The following ERBB4 variants were observed in gnomAD, a reference collection of about 807,000 sequenced individuals.
The protein encoded by ERBB4 is receptor tyrosine-protein kinase erbB-4.
ERBB4 carries 42 observed loss-of-function variants against 158.0 expected under a neutral mutation model. The observed-to-expected ratio is 0.27, with a 90% CI of 0.21 to 0.34. The LOEUF is 0.34. ERBB4 is among the 10% of genes least tolerant of loss of function. The probability of loss-of-function intolerance (pLI) is 1.00; values close to 1 mark genes in which losing one functional copy is unlikely to be tolerated. For missense variants in ERBB4, 1,333 were observed against 1,624.1 expected, an observed-to-expected ratio of 0.82 and a Z score of 3.08; for synonymous variants, 583 against 558.7, an observed-to-expected ratio of 1.04 and a Z score of -0.61.
At chr2:211,601,140 TA>T (rs771876067) in intron 19 of ERBB4, among the ~76,000 whole-genome samples, 37 of 152,026 alleles carry the variant, frequency 2.4e-4, no homozygotes, top group Non-Finnish European at 4.6e-4. Context: ...ATCATGCATT[TA>T]AAGAAAAATG....
chr2:211,680,865 A>G (rs1253898018), intron 12 of ERBB4, among the ~76,000 whole-genome samples: 2 of 152,194 alleles, frequency 1.3e-5, no homozygotes, highest in African/African-American at 4.8e-5. Flanking sequence ...GTTTTATTGA[A>G]GTATACATAG....
At chr2:211,797,808 C>T (rs1049943041) in intron 3 of ERBB4, among the ~76,000 whole-genome samples, 5 of 151,792 alleles carry the variant, frequency 3.3e-5, no homozygotes, top group African/African-American at 7.3e-5. Context: ...AGCCACAACA[C>T]GAAGGTCCAA....
intron 2 of ERBB4, among the ~76,000 whole-genome samples, chr2:212,094,083 T>C (rs767152436): frequency 5.9e-5 from 9 of 151,902 alleles, no homozygotes; most frequent in Non-Finnish European, 2.9e-5. Context: ...TTGGATGTTC[T>C]ATCCCCTCCA....
intron 1 of ERBB4, among the ~76,000 whole-genome samples, chr2:212,196,223 T>C (rs2082421772): frequency 6.6e-6 from 1 of 152,194 alleles, no homozygotes; most frequent in Non-Finnish European, 1.5e-5. Flanking sequence ...TATTATATAC[T>C]TTATTCTTAT....
At chr2:212,472,398 T>C (rs998632893) in intron 1 of ERBB4, among the ~76,000 whole-genome samples, 3 of 151,810 alleles carry the variant, frequency 2.0e-5, no homozygotes, top group Non-Finnish European at 4.4e-5. Flanking sequence ...TAATATAGCT[T>C]ATTTGAATCC....
At chr2:212,188,752 T>A (rs2082103385) in intron 1 of ERBB4, among the ~76,000 whole-genome samples, 1 of 151,962 alleles carries the variant, frequency 6.6e-6, no homozygotes, top group Non-Finnish European at 1.5e-5. Context: ...TTATTTTAGG[T>A]CATCTTCCTT....
At chr2:212,426,267 A>C (rs765798921) in intron 1 of ERBB4, 2 of 482,080 alleles carry the variant, frequency 4.1e-6, no homozygotes, top group Non-Finnish European at 8.3e-6. Context: ...ATGCACACTA[A>C]AATATTAGGT....
At chr2:211,440,589 T>C (rs9808028) in intron 20 of ERBB4, among the ~76,000 whole-genome samples, 51,466 of 152,058 alleles carry the variant, frequency 0.34, 9,763 homozygotes, top group Admixed American at 0.43. Flanking sequence ...TGGAAAACCA[T>C]ACAGCTTAGG....
intron 4 of ERBB4, among the ~76,000 whole-genome samples, chr2:211,758,610 A>G (rs889762069): frequency 2.6e-5 from 4 of 152,208 alleles, no homozygotes; most frequent in African/African-American, 4.8e-5. Context: ...GAACTAACTG[A>G]AAAACCTTAC....
At chr2:211,389,680 G>A (rs998647806) in intron 25 of ERBB4, among the ~76,000 whole-genome samples, 1 of 152,158 alleles carries the variant, frequency 6.6e-6, no homozygotes, top group African/African-American at 2.4e-5. Flanking sequence ...GCAACAGACA[G>A]ATCGTTTAAT....
At chr2:212,513,691 G>A (rs1229404090) in intron 1 of ERBB4, among the ~76,000 whole-genome samples, 1 of 152,048 alleles carries the variant, frequency 6.6e-6, no homozygotes, top group East Asian at 1.9e-4. Context: ...AGCGCCTGTA[G>A]TCCCAGCTAC....
At chr2:211,588,847 T>C (rs2068371478) in intron 19 of ERBB4, among the ~76,000 whole-genome samples, 2 of 152,146 alleles carry the variant, frequency 1.3e-5, no homozygotes, top group African/African-American at 4.8e-5. Flanking sequence ...TCTAATAAGA[T>C]TTAGAATTTT....
intron 2 of ERBB4, among the ~76,000 whole-genome samples, chr2:211,961,747 G>C (rs67565187): frequency 0.15 from 23,281 of 152,024 alleles, 1,801 homozygotes; most frequent in African/African-American, 0.17. Context: ...ATTTGATCAT[G>C]AATATGCAAT....
chr2:211,386,815 C>T (rs1454084841), intron 27 of ERBB4, 38 bp downstream of exon 27: 4 of 1,607,194 alleles, frequency 2.5e-6, no homozygotes, highest in Non-Finnish European at 3.4e-6. Context: ...TGGAAGTGAA[C>T]TTCGAATGGC....
intron 3 of ERBB4, among the ~76,000 whole-genome samples, chr2:211,791,409 C>G (rs1177889975): frequency 6.6e-6 from 1 of 151,686 alleles, no homozygotes; most frequent in African/African-American, 2.4e-5. Flanking sequence ...CCCCCACTAA[C>G]ATGAAATAAA....
intron 1 of ERBB4, among the ~76,000 whole-genome samples, chr2:212,487,150 C>T (rs770295731): frequency 5.9e-5 from 9 of 152,032 alleles, no homozygotes; most frequent in Non-Finnish European, 8.8e-5. Flanking sequence ...TCTACAAAGA[C>T]AGTACTGTGC....
intron 1 of ERBB4, among the ~76,000 whole-genome samples, chr2:212,191,656 T>C (rs2082217192): frequency 7.1e-6 from 1 of 141,422 alleles, no homozygotes; most frequent in Non-Finnish European, 1.6e-5. Flanking sequence ...AACACATGCG[T>C]TATACATGTC....
intron 1 of ERBB4, among the ~76,000 whole-genome samples, chr2:212,145,354 C>A (rs187937904): frequency 3.4e-5 from 5 of 148,584 alleles, no homozygotes; most frequent in Admixed American, 3.3e-4. Flanking sequence ...CATGATTATA[C>A]CATCATATTC....
In ERBB4 at chr2:212,217,576, T is replaced by A. The variant is rs79559766; in HGVS notation, c.83-92673A>T. ...GGTAAGGCTAGGCAGACAACATATG[T>A]TTGAGTACCAGTTTCCAAAGGAAAA... On this transcript the variant is annotated intron_variant, in intron 1 of 27. Transcript: ENST00000342788. 3.4e-3 allele frequency among the ~76,000 whole-genome samples: 510 copies of A among 151,214 alleles called. 2 individuals carry two copies. Among genetic ancestry groups the A allele is most frequent in the African/African-American group, 0.012 (494 of 41,434 alleles).
Sources: gnomAD v4.1 joint callset for allele counts (sites outside exome capture counted in the v4.1 genomes callset) on GRCh38, gnomAD v4.1.1 for gene constraint, MANE v1.5 for transcripts, NCBI Gene and HGNC (gene_info 2026-07-23, HGNC 2026-07-21) for gene names.